NEDD4L: variants seen among roughly 807,000 people sequenced by gnomAD.
NEDD4L encodes the protein E3 ubiquitin-protein ligase NEDD4-like.
In NEDD4L, 54 loss-of-function variants were observed where a neutral mutation model predicts 148.9. The ratio of observed to expected loss-of-function variants is 0.36; its 90% CI spans 0.29 to 0.45. The LOEUF (loss-of-function observed/expected upper bound fraction) is 0.45, where lower values mean the gene tolerates loss of function less well. Among genes scored for constraint, NEDD4L ranks in the 20% least tolerant of loss-of-function variants. The pLI is 1.00. For missense variants in NEDD4L, 856 were observed against 1,233.8 expected, an observed-to-expected ratio of 0.69 and a Z score of 4.59; for synonymous variants, 433 against 440.7, an observed-to-expected ratio of 0.98 and a Z score of 0.22.
At chr18:58,092,297 G>A (rs760720224) in intron 1 of NEDD4L, among the ~76,000 whole-genome samples, 26 of 152,314 alleles carry the variant, frequency 1.7e-4, no homozygotes, top group Non-Finnish European at 1.9e-4. Context: ...GTATAAGATG[G>A]GTGATGGCAT....
At chr18:58,151,622 G>GGGGGGTGTGTGTGTGTGT (rs1568290916) in intron 1 of NEDD4L, among the ~76,000 whole-genome samples, 6 of 60,940 alleles carry the variant, frequency 9.8e-5, no homozygotes, top group Admixed American at 4.1e-4. Context: ...GCTGTGCCTG[G>GGGGGGTGTGTGTGTGTGT]ATATGTGTGT....
intron 5 of NEDD4L, among the ~76,000 whole-genome samples, chr18:58,280,583 A>C (rs978718251): frequency 6.6e-6 from 1 of 152,162 alleles, no homozygotes; most frequent in Non-Finnish European, 1.5e-5. Context: ...TGTGCAGTGG[A>C]TTCATGGAGC....
At chr18:58,241,011 T>C (rs1023615564) in intron 2 of NEDD4L, among the ~76,000 whole-genome samples, 5 of 152,120 alleles carry the variant, frequency 3.3e-5, no homozygotes, top group Admixed American at 2.6e-4. Context: ...GATTTTACCA[T>C]GTTGTCCAGG....
chr18:58,044,518 G>A lies in NEDD4L; in HGVS notation c.-143G>A. ...GCGCTCTCGGGCACCCTCACCTGCCGGCGCCCGGCCGCTTACCCGGCAGGG... is the reference window on the plus strand; with the variant it reads ...GCGCTCTCGGGCACCCTCACCTGCCAGCGCCCGGCCGCTTACCCGGCAGGG... On this transcript the variant is annotated 5_prime_UTR_variant, in exon 1 of 31. Coordinates refer to ENST00000400345, the MANE Select transcript of NEDD4L (RefSeq NM_001144967.3). The A allele has an allele frequency of 1.7e-6, 2 of 1,176,400 alleles. No individual in the cohort carries two copies. Among genetic ancestry groups the A allele is most frequent in the South Asian group, 7.9e-5 (2 of 25,376 alleles). The allele number at this position is 1,176,400 out of a possible 1,614,324, so 72.9% of individuals were successfully genotyped here. A position where few individuals can be genotyped will look rare whatever the true frequency, so the allele number is the denominator to read the frequency against.
chr18:58,070,767 C>A (rs1257849090), intron 1 of NEDD4L, among the ~76,000 whole-genome samples: 1 of 114,912 alleles, frequency 8.7e-6, no homozygotes, highest in Non-Finnish European at 1.6e-5. Context: ...TAATTCAAGG[C>A]ATGTAAGGAA....
At chr18:58,181,390 G>A (rs1468770465) in intron 2 of NEDD4L, among the ~76,000 whole-genome samples, 1 of 152,158 alleles carries the variant, frequency 6.6e-6, no homozygotes, top group Non-Finnish European at 1.5e-5. Flanking sequence ...ATGAATCAGA[G>A]CTTCAACACT....
chr18:58,262,366 T>C (rs1344013726), intron 5 of NEDD4L, among the ~76,000 whole-genome samples: 2 of 152,182 alleles, frequency 1.3e-5, no homozygotes, highest in South Asian at 2.1e-4. Flanking sequence ...CGGAGGCTCA[T>C]GTCTGTAATC....
intron 2 of NEDD4L, among the ~76,000 whole-genome samples, chr18:58,186,472 C>G (rs1049900932): frequency 6.6e-6 from 1 of 152,186 alleles, no homozygotes; most frequent in African/African-American, 2.4e-5. Flanking sequence ...GTGAGTCACA[C>G]TCCCTTCTGT....
At chr18:58,060,466 T>A (rs1044899124) in intron 1 of NEDD4L, among the ~76,000 whole-genome samples, 1 of 152,060 alleles carries the variant, frequency 6.6e-6, no homozygotes, top group African/African-American at 2.4e-5. Flanking sequence ...TGGATTTGAG[T>A]TGGACAACCC....
chr18:58,161,233 G>A (rs2036167104), intron 1 of NEDD4L, among the ~76,000 whole-genome samples: 1 of 152,068 alleles, frequency 6.6e-6, no homozygotes, highest in African/African-American at 2.4e-5. Context: ...TTTTCACCAT[G>A]TTGGTCAGGC....
intron 1 of NEDD4L, among the ~76,000 whole-genome samples, chr18:58,118,132 T>C (rs896107865): frequency 6.6e-6 from 1 of 152,266 alleles, no homozygotes; most frequent in African/African-American, 2.4e-5. Context: ...CATTGCCAAG[T>C]TGTTAGAGTG....
chr18:58,156,298 T>C (rs2035487814), intron 1 of NEDD4L, among the ~76,000 whole-genome samples: 1 of 152,238 alleles, frequency 6.6e-6, no homozygotes, highest in African/African-American at 2.4e-5. Context: ...GCAAATGCTA[T>C]CTAGAGATGC....
intron 13 of NEDD4L, among the ~76,000 whole-genome samples, chr18:58,340,488 T>G (rs2042282964): frequency 6.6e-6 from 1 of 152,176 alleles, no homozygotes; most frequent in Non-Finnish European, 1.5e-5. Context: ...TATATGCTAC[T>G]GTGTGACCAT....
At chr18:58,287,704 CAAG>C (rs1450440283) in intron 5 of NEDD4L, among the ~76,000 whole-genome samples, 2 of 151,978 alleles carry the variant, frequency 1.3e-5, no homozygotes, top group Admixed American at 6.6e-5. Flanking sequence ...CGTATTTTTT[CAAG>C]AAGAAGACAT....
rs35718137 is a variant in NEDD4L at position 58,253,991 on chromosome 18, G to GTT, written c.297+1949_297+1950dup. Among the ~76,000 whole-genome samples the GTT allele has an allele frequency of 4.5e-3, 663 of 146,416 alleles. 2 individuals carry two copies. The highest frequency in any genetic ancestry group is 7.0e-3 in the Admixed American group (102 of 14,672). ...CTATGCAAAGAATGCTGGTGTTGCT[G>GTT]TTTTTTTTTTTTTCTTTGTTGGCTA... On this transcript the variant is annotated intron_variant, in intron 5 of 30. Coordinates refer to ENST00000400345, the MANE Select transcript of NEDD4L (RefSeq NM_001144967.3).
intron 24 of NEDD4L, among the ~76,000 whole-genome samples, chr18:58,380,463 C>T (rs1266427444): frequency 3.9e-5 from 6 of 151,908 alleles, no homozygotes; most frequent in Admixed American, 1.3e-4. Context: ...GGATTACAGG[C>T]GTGAGCCACC....
intron 1 of NEDD4L, among the ~76,000 whole-genome samples, chr18:58,098,239 G>A (rs1042035302): frequency 6.6e-6 from 1 of 152,000 alleles, no homozygotes; most frequent in African/African-American, 2.4e-5. Flanking sequence ...GTGTTTGTTG[G>A]GAGGGACAGA....
chr18:58,168,540 A>C (rs1568319865), intron 2 of NEDD4L, among the ~76,000 whole-genome samples: 1 of 152,210 alleles, frequency 6.6e-6, no homozygotes, highest in African/African-American at 2.4e-5. Context: ...GTTTTAAGGT[A>C]GTAGTCACCG....
intron 5 of NEDD4L, among the ~76,000 whole-genome samples, chr18:58,260,063 A>G (rs1023365978): frequency 6.6e-6 from 1 of 152,210 alleles, no homozygotes; most frequent in African/African-American, 2.4e-5. Context: ...ATTTTAAAAC[A>G]TAACAACACA....
Sources: allele counts gnomAD v4.1 joint callset (sites outside exome capture counted in the v4.1 genomes callset), GRCh38; gene constraint gnomAD v4.1.1; transcripts MANE v1.5; gene names NCBI Gene and HGNC (gene_info 2026-07-23, HGNC 2026-07-21).